Variants in ADGRL2 observed in about 807,000 individuals in gnomAD.
ADGRL2 encodes adhesion G protein-coupled receptor L2, also known as calcium-independent alpha-latrotoxin receptor 2.
ADGRL2 carries 44 observed loss-of-function variants against 157.4 expected under a neutral mutation model. The observed-to-expected ratio is 0.28, with a 90% CI of 0.22 to 0.36. The LOEUF (loss-of-function observed/expected upper bound fraction) is 0.36. Among genes scored for constraint, ADGRL2 ranks in the 10% least tolerant of loss-of-function variants. The pLI is 1.00. For synonymous variants in ADGRL2, 585 were observed against 624.7 expected (o/e 0.94, Z 0.95); for missense variants, 1,510 against 1,768.9 (o/e 0.85, Z 2.63).
At chr1:81,400,283 G>C (rs1229475888) in intron 1 of ADGRL2, among the ~76,000 whole-genome samples, 1 of 152,020 alleles carries the variant, frequency 6.6e-6, no homozygotes, top group Admixed American at 6.6e-5. Context: ...GAACATCTTT[G>C]GGGCCCGTGT....
chr1:81,370,904 CT>C (rs545676266), intron 1 of ADGRL2, among the ~76,000 whole-genome samples: 220 of 152,190 alleles, frequency 1.4e-3, no homozygotes, highest in Non-Finnish European at 2.6e-3. Context: ...CATATTAGGC[CT>C]TTCCTTTGAA....
At chr1:81,537,857 G>C (rs143391675) in intron 2 of ADGRL2, among the ~76,000 whole-genome samples, 1 of 151,612 alleles carries the variant, frequency 6.6e-6, no homozygotes, top group Admixed American at 6.6e-5. Flanking sequence ...TCACCACCAC[G>C]CCCAGCTAAT....
intron 2 of ADGRL2, among the ~76,000 whole-genome samples, chr1:81,567,756 G>C (rs2080595436): frequency 6.6e-6 from 1 of 152,046 alleles, no homozygotes; most frequent in Non-Finnish European, 1.5e-5. Flanking sequence ...TATTATGAAA[G>C]GAAATTCTTA....
chr1:81,552,100 G>T lies in ADGRL2; in HGVS notation c.-247-28776G>T, dbSNP rs528109375. On this transcript the variant is annotated intron_variant, in intron 2 of 24. Transcript: ENST00000370721. ...CCCTCTCTGGCTCTTGCAGCAGCTT[G>T]TTTGTGGTATAGATGAGTGTGCAGG... is the stretch of plus-strand genomic sequence containing the variant. Among the ~76,000 whole-genome samples, 5 of 152,278 alleles carry T rather than the reference G, an allele frequency of 3.3e-5. No individual in the cohort carries two copies. In the South Asian group the frequency reaches 6.2e-4, roughly 19 times the overall value.
intron 1 of ADGRL2, among the ~76,000 whole-genome samples, chr1:81,339,048 T>C (rs1223656546): frequency 2.0e-5 from 3 of 152,200 alleles, no homozygotes; most frequent in Non-Finnish European, 4.4e-5. Flanking sequence ...CTCTCTCTCT[T>C]GAATGTTTAG....
intron 1 of ADGRL2, among the ~76,000 whole-genome samples, chr1:81,396,014 G>A (rs1224950135): frequency 6.6e-6 from 1 of 152,138 alleles, no homozygotes; most frequent in Non-Finnish European, 1.5e-5. Context: ...GTTATTCACA[G>A]TCTCTTGAGG....
At chr1:81,755,762 G>C (rs2085666905) in intron 1 of ADGRL2, among the ~76,000 whole-genome samples, 1 of 151,814 alleles carries the variant, frequency 6.6e-6, no homozygotes, top group African/African-American at 2.4e-5. Context: ...TCTCCCTAAA[G>C]TGCAGTTTTC....
intron 2 of ADGRL2, among the ~76,000 whole-genome samples, chr1:81,844,947 G>A (rs1019757324): frequency 6.6e-5 from 10 of 151,884 alleles, no homozygotes; most frequent in African/African-American, 1.9e-4. Context: ...ATCTTCATGA[G>A]AAAAGAGAAA....
chr1:81,541,648 G>A (rs570853419), intron 2 of ADGRL2, among the ~76,000 whole-genome samples: 6 of 152,106 alleles, frequency 3.9e-5, no homozygotes, highest in African/African-American at 1.2e-4. Flanking sequence ...TCAGTGCACT[G>A]TATTAGAAAT....
chr1:81,338,678 G>C (rs1661832314), intron 1 of ADGRL2, among the ~76,000 whole-genome samples: 1 of 152,158 alleles, frequency 6.6e-6, no homozygotes. Context: ...CCATGTACCA[G>C]ATATGTTCTA....
At chr1:81,471,052 T>C (rs2078161913) in intron 2 of ADGRL2, among the ~76,000 whole-genome samples, 1 of 152,150 alleles carries the variant, frequency 6.6e-6, no homozygotes, top group South Asian at 2.1e-4. Context: ...GTGTAAATAA[T>C]ATTTTATTTC....
At position 81,317,506 on chromosome 1, in the gene ADGRL2, A is replaced by C. The variant is rs149161021; in HGVS notation, c.-302+10997A>C. Among the ~76,000 whole-genome samples the C allele has an allele frequency of 1.6e-3, 244 of 152,246 alleles. 1 individual carries two copies. Among genetic ancestry groups the C allele is most frequent in the African/African-American group, 5.8e-3 (242 of 41,552 alleles). On this transcript the variant is annotated intron_variant, in intron 1 of 24. Transcript: ENST00000370721. ...TTTCTATATCCCATTCTAGACTATAAATGTTTTGAGAGTTGTATGTTGTAT... is the reference window on the plus strand; with the variant it reads ...TTTCTATATCCCATTCTAGACTATACATGTTTTGAGAGTTGTATGTTGTAT...
At chr1:81,668,285 C>A (rs2082793706) in intron 3 of ADGRL2, among the ~76,000 whole-genome samples, 2 of 152,004 alleles carry the variant, frequency 1.3e-5, no homozygotes, top group Admixed American at 1.3e-4. Context: ...ATTAGTCGGA[C>A]ATGGTGGAGC....
intron 1 of ADGRL2, among the ~76,000 whole-genome samples, chr1:81,729,031 A>G (rs529797383): frequency 1.3e-5 from 2 of 152,098 alleles, no homozygotes; most frequent in East Asian, 1.9e-4. Flanking sequence ...CCCAAAAGGC[A>G]TATGTCACAA....
chr1:81,562,791 A>T (rs1007763773), intron 2 of ADGRL2, among the ~76,000 whole-genome samples: 6 of 151,932 alleles, frequency 3.9e-5, no homozygotes, highest in African/African-American at 1.2e-4. Flanking sequence ...CCTATTTTGG[A>T]TTAATCATTG....
intron 3 of ADGRL2, among the ~76,000 whole-genome samples, chr1:81,687,957 G>T (rs926688301): frequency 6.6e-6 from 1 of 152,070 alleles, no homozygotes; most frequent in Non-Finnish European, 1.5e-5. Context: ...AAAATTTTTG[G>T]CTGACATTTG....
intron 1 of ADGRL2, among the ~76,000 whole-genome samples, chr1:81,811,380 T>C (rs1412284932): frequency 6.6e-6 from 1 of 151,842 alleles, no homozygotes; most frequent in East Asian, 1.9e-4. Context: ...CCAGTCAGTA[T>C]TTACATGTTA....
intron 2 of ADGRL2, among the ~76,000 whole-genome samples, chr1:81,550,403 A>G (rs145399818): frequency 3.9e-4 from 59 of 152,342 alleles, no homozygotes; most frequent in African/African-American, 1.3e-3. Flanking sequence ...ATTAATTTCC[A>G]GTGATTTTTA....
chr1:81,339,916 G>C (rs183076816), intron 1 of ADGRL2, among the ~76,000 whole-genome samples: 1 of 151,998 alleles, frequency 6.6e-6, no homozygotes, highest in African/African-American at 2.4e-5. Context: ...TCTTACCTAC[G>C]TTTCTTTGGT....
Sources: gnomAD v4.1 joint callset for allele counts (sites outside exome capture counted in the v4.1 genomes callset) on GRCh38, gnomAD v4.1.1 for gene constraint, MANE v1.5 for transcripts, NCBI Gene and HGNC (gene_info 2026-07-23, HGNC 2026-07-21) for gene names.